Variants in POLE4 observed in about 807,000 individuals in gnomAD.
POLE4 encodes the protein DNA polymerase epsilon 4, accessory subunit.
In POLE4, 15 loss-of-function variants were observed where a neutral mutation model predicts 15.6. That is an observed-to-expected ratio of 0.96 (90% CI 0.64 to 1.48). POLE4 has a LOEUF of 1.48. POLE4 is among the 40% of genes most tolerant of loss of function. The pLI is 0.00. For missense variants in POLE4, 205 were observed against 151.9 expected, an observed-to-expected ratio of 1.35 and a Z score of -1.84; for synonymous variants, 83 against 63.2, an observed-to-expected ratio of 1.31 and a Z score of -1.49.
At position 74,969,396 on chromosome 2, in the gene POLE4, T is replaced by C; in HGVS notation, c.341-13T>C. 6.2e-7 allele frequency: 1 copy of C among 1,613,654 alleles called. No homozygotes were observed. The highest frequency in any genetic ancestry group is 8.5e-7 in the Non-Finnish European group (1 of 1,179,576). ...AGGTCCCCTGATATACTCATTGCTC[T>C]TTGTATGTTTAGGTACTTTAGATTG... On this transcript the variant is annotated splice_polypyrimidine_tract_variant and intron_variant, in intron 3 of 3. Transcript: ENST00000483063.
In POLE4 at chr2:74,969,443, G is replaced by T; in HGVS notation, c.*21G>T. ...ATTGATTGCCGAGCGGGGCAGTTTT[G>T]TGAGCCTTCATCTGAAGCCTTCAGT... On this transcript the variant is annotated 3_prime_UTR_variant, in exon 4 of 4. Coordinates refer to ENST00000483063, the MANE Select transcript of POLE4 (RefSeq NM_019896.4). The T allele has an allele frequency of 2.5e-6, 4 of 1,612,786 alleles. No individual in the cohort carries two copies. Among genetic ancestry groups the T allele is most frequent in the Non-Finnish European group, 3.4e-6 (4 of 1,178,776 alleles).
At chr2:74,965,679 A>G (rs943490970) in intron 3 of POLE4, among the ~76,000 whole-genome samples, 1 of 152,184 alleles carries the variant, frequency 6.6e-6, no homozygotes, top group African/African-American at 2.4e-5. Flanking sequence ...AAACCATGTG[A>G]TTAGATATAT....
chr2:74,960,451 G>A, intron 3 of POLE4: 1 of 473,242 alleles, frequency 2.1e-6, no homozygotes, highest in Admixed American at 3.1e-5. Flanking sequence ...TAAATGTCAG[G>A]CTTGCCCCCC....
chr2:74,959,774 G>A (rs892583201), intron 2 of POLE4: 12 of 447,312 alleles, frequency 2.7e-5, no homozygotes, highest in Admixed American at 4.0e-5. Flanking sequence ...TTCGTATACC[G>A]TATTCTCATG....
intron 3 of POLE4, chr2:74,961,327 T>C (rs1210088216): frequency 1.3e-5 from 2 of 152,214 alleles, no homozygotes; most frequent in African/African-American, 2.4e-5. Flanking sequence ...ATAGATAGAC[T>C]ACCATGGCCA....
chr2:74,965,806 G>C (rs1426083103), intron 3 of POLE4, among the ~76,000 whole-genome samples: 3 of 152,122 alleles, frequency 2.0e-5, no homozygotes, highest in Non-Finnish European at 4.4e-5. Context: ...TATTATTAAA[G>C]CTTATCAGCT....
At chr2:74,969,097 T>G (rs894896477) in intron 3 of POLE4, among the ~76,000 whole-genome samples, 8 of 152,196 alleles carry the variant, frequency 5.3e-5, no homozygotes, top group Non-Finnish European at 7.3e-5. Context: ...AGAGTTTACC[T>G]CATTTATTTT....
At chr2:74,962,812 C>A (rs991341159) in intron 3 of POLE4, among the ~76,000 whole-genome samples, 17 of 152,262 alleles carry the variant, frequency 1.1e-4, no homozygotes, top group African/African-American at 3.9e-4. Context: ...GTAATTACTT[C>A]CTTTTCTTTA....
chr2:74,965,492 A>G (rs1671282873), intron 3 of POLE4, among the ~76,000 whole-genome samples: 1 of 152,146 alleles, frequency 6.6e-6, no homozygotes, highest in Non-Finnish European at 1.5e-5. Flanking sequence ...ATGCTGTTAG[A>G]GGGGTTGCAA....
intron 3 of POLE4, among the ~76,000 whole-genome samples, chr2:74,967,947 A>G (rs1343992970): frequency 2.0e-5 from 3 of 152,242 alleles, no homozygotes; most frequent in Admixed American, 1.3e-4. Context: ...TTTGGGCTCT[A>G]GCTTAAGAAA....
In POLE4 at chr2:74,958,741, A is replaced by T. The variant is rs1462269067; in HGVS notation, c.62A>T (p.Glu21Val). 6.6e-7 allele frequency: 1 copy of T among 1,523,614 alleles called. No homozygotes were observed. The highest frequency in any genetic ancestry group is 2.7e-5 in the East Asian group (1 of 37,508). 94.4% of individuals were successfully genotyped at this position (1,523,614 alleles called of 1,614,324 possible). A position where few individuals can be genotyped will look rare whatever the true frequency, so the allele number is the denominator to read the frequency against. ...TPREEEGPAGEAAASQPQAPT... is the reference protein window; with the variant it reads ...TPREEEGPAGVAAASQPQAPT... ...CGAGAGGAGGAGGGACCTGCTGGGG[A>T]GGCAGCGGCCTCGCAGCCCCAGGCC... Residue 21 changes from glutamate (E) to valine (V), a missense_variant, in exon 1 of 4, where the codon GAG becomes GTG. Physicochemically the swap from Glu to Val is moderately radical, Grantham distance 121 (BLOSUM62 -2). Transcript: ENST00000483063.
Position 74,958,738 on chromosome 2 carries a change from G to C in POLE4, c.59G>C (p.Gly20Ala). Residue 20 changes from glycine to alanine, a missense_variant, in exon 1 of 4, where the codon GGG becomes GCG. Coordinates refer to ENST00000483063, the MANE Select transcript of POLE4 (RefSeq NM_019896.4). ...CCCCGAGAGGAGGAGGGACCTGCTG[G>C]GGAGGCAGCGGCCTCGCAGCCCCAG... ...GTPREEEGPA[G>A]EAAASQPQAP... is the part of the protein sequence containing the mutation. The C allele has an allele frequency of 1.3e-6, 2 of 1,529,218 alleles. No homozygotes were observed. The highest frequency in any genetic ancestry group is 2.6e-5 in the East Asian group (1 of 37,970). 94.7% of individuals were successfully genotyped at this position (1,529,218 alleles called of 1,614,324 possible). A position where few individuals can be genotyped will look rare whatever the true frequency, so the allele number is the denominator to read the frequency against.
Position 74,960,163 on chromosome 2 carries a change from T to C in POLE4, c.340+17T>C. 6.3e-7 allele frequency: 1 copy of C among 1,599,136 alleles called. No homozygotes were observed. The highest frequency in any genetic ancestry group is 8.6e-7 in the Non-Finnish European group (1 of 1,166,464). On this transcript the variant is annotated intron_variant, in intron 3 of 3. Coordinates refer to ENST00000483063, the MANE Select transcript of POLE4 (RefSeq NM_019896.4). ...TTCTGGAAGGTGAGTTCCCTCTCAG[T>C]GGGCAATCATTTCCGCCTGTCTTTT...
rs542603198 is a variant in POLE4 at position 74,969,498 on chromosome 2, A to G, written c.*76A>G. On this transcript the variant is annotated 3_prime_UTR_variant, in exon 4 of 4. Coordinates refer to ENST00000483063, the MANE Select transcript of POLE4 (RefSeq NM_019896.4). ...CCCTCTGCACAGGCCTCAGCTTTGA[A>G]GAACGGAGTCTTTGCACTTACACAC... 7.4e-7 allele frequency: 1 copy of G among 1,350,188 alleles called. No homozygotes were observed. Among genetic ancestry groups the G allele is most frequent in the Non-Finnish European group, 1.1e-6 (1 of 939,022 alleles). 83.6% of individuals were successfully genotyped at this position (1,350,188 alleles called of 1,614,324 possible).
At chr2:74,968,839 C>G (rs1333871064) in intron 3 of POLE4, among the ~76,000 whole-genome samples, 1 of 151,862 alleles carries the variant, frequency 6.6e-6, no homozygotes, top group Non-Finnish European at 1.5e-5. Context: ...GCTGCAGCCC[C>G]CTCTGTTCAT....
chr2:74,959,300 GTTAGAACCCA>G (rs1671179208), intron 1 of POLE4, 31 bp from the exon 2 acceptor site: 1 of 1,375,418 alleles, frequency 7.3e-7, no homozygotes, highest in South Asian at 1.2e-5. Context: ...TCCTCAGTGT[GTTAGAACCCA>G]TTACTAAAAC....
chr2:74,963,596 A>G (rs887721151), intron 3 of POLE4, among the ~76,000 whole-genome samples: 4 of 151,620 alleles, frequency 2.6e-5, no homozygotes, highest in African/African-American at 9.7e-5. Flanking sequence ...CCCCCCTCCC[A>G]CGTTCAAGAG....
chr2:74,960,731 G>T (rs1334048949), intron 3 of POLE4: 1 of 402,130 alleles, frequency 2.5e-6, no homozygotes, highest in South Asian at 1.8e-5. Flanking sequence ...TTCACTACAC[G>T]TATGTAGTCA....
At chr2:74,969,307 C>T (rs773520367) in intron 3 of POLE4, 102 bp from the exon 4 acceptor site, 9 of 1,021,978 alleles carry the variant, frequency 8.8e-6, no homozygotes, top group African/African-American at 3.2e-5. Flanking sequence ...TAGAGAACTG[C>T]TGCCAATACC....
Sources: gnomAD v4.1 joint callset for allele counts (sites outside exome capture counted in the v4.1 genomes callset) on GRCh38, gnomAD v4.1.1 for gene constraint, MANE v1.5 for transcripts, NCBI Gene and HGNC (gene_info 2026-07-23, HGNC 2026-07-21) for gene names.